SMOC2: variants seen among roughly 807,000 people sequenced by gnomAD.
SMOC2 encodes SPARC related modular calcium binding 2.
SMOC2 carries 39 observed loss-of-function variants against 61.4 expected under a neutral mutation model. The ratio of observed to expected loss-of-function variants is 0.64; its 90% CI spans 0.49 to 0.83. SMOC2 has a LOEUF of 0.83. Ranked by LOEUF, SMOC2 falls within the 40% of genes least tolerant of loss-of-function variation. The probability of loss-of-function intolerance (pLI) is 0.00; values close to 1 mark genes in which losing one functional copy is unlikely to be tolerated. For missense variants in SMOC2, 556 were observed against 592.9 expected (o/e 0.94, Z 0.65); for synonymous variants, 247 against 239.9 (o/e 1.03, Z -0.27).
chr6:168,549,236 G>A (rs1049175983), intron 7 of SMOC2, 33 bp downstream of exon 7: 2 of 1,591,512 alleles, frequency 1.3e-6, no homozygotes, highest in Non-Finnish European at 1.7e-6. Flanking sequence ...TTTGTAAGGA[G>A]TGATTTAATA....
At chr6:168,458,333 GC>G (rs1483923135) in intron 1 of SMOC2, among the ~76,000 whole-genome samples, 1 of 150,084 alleles carries the variant, frequency 6.7e-6, no homozygotes, top group African/African-American at 2.5e-5. Flanking sequence ...CGTGCTGCCT[GC>G]CCTGGGGGTC....
intron 7 of SMOC2, among the ~76,000 whole-genome samples, chr6:168,592,725 G>T (rs867020248): frequency 1.5e-4 from 4 of 26,536 alleles, no homozygotes; most frequent in Non-Finnish European, 2.6e-4. Flanking sequence ...CCTTCCTGAG[G>T]CCTCACGGGC....
At chr6:168,522,250 A>G (rs926071904) in intron 2 of SMOC2, among the ~76,000 whole-genome samples, 26 of 152,226 alleles carry the variant, frequency 1.7e-4, no homozygotes, top group African/African-American at 5.3e-4. Flanking sequence ...TTGGCTGGAC[A>G]TACAACGGTT....
chr6:168,471,488 G>C (rs144784615), intron 1 of SMOC2, among the ~76,000 whole-genome samples: 81 of 152,266 alleles, frequency 5.3e-4, no homozygotes, highest in African/African-American at 1.9e-3. Context: ...GCCTTCATCT[G>C]TCCGTGGATA....
intron 8 of SMOC2, among the ~76,000 whole-genome samples, chr6:168,599,331 ACT>A (rs1325750801): frequency 2.2e-5 from 3 of 137,878 alleles, no homozygotes; most frequent in African/African-American, 5.5e-5. Flanking sequence ...TTTCACACAC[ACT>A]CATACCCACA....
chr6:168,518,966 C>T (rs1436887337), intron 2 of SMOC2, among the ~76,000 whole-genome samples: 3 of 142,518 alleles, frequency 2.1e-5, no homozygotes, highest in Admixed American at 7.0e-5. Flanking sequence ...TGTATCCGTG[C>T]ACGCGTGTGT....
rs1784543434 is a variant in SMOC2, at chr6:168,566,485, T to TC, written c.637+17282_637+17283insC. On this transcript the variant is annotated intron_variant, in intron 7 of 12. Coordinates refer to ENST00000356284, the MANE Select transcript of SMOC2 (RefSeq NM_001166412.2). Reference sequence around the variant, plus strand: ...TATGGATATTGTAGCACTTCTTTTTTTTTTTTTTTTTTTTTGAAACAGAGT... The same window carrying TC: ...TATGGATATTGTAGCACTTCTTTTTTCTTTTTTTTTTTTTTTGAAACAGAGT... 3.6e-5 allele frequency among the ~76,000 whole-genome samples: 4 copies of TC among 112,564 alleles called. No homozygotes were observed. The South Asian group carries it at 1.1e-3, about 31-fold the overall frequency. 73.8% of individuals were successfully genotyped at this position (112,564 alleles called of 152,430 possible).
In SMOC2 at chr6:168,611,258, TG is replaced by T. The variant is rs1454934196; in HGVS notation, c.907+3020del. Among the ~76,000 whole-genome samples the T allele has an allele frequency of 4.2e-3, 571 of 135,856 alleles. 10 individuals carry two copies. The highest frequency in any genetic ancestry group is 0.015 in the African/African-American group (545 of 35,954). The allele number at this position is 135,856 out of a possible 152,430, so 89.1% of individuals were successfully genotyped here. A position where few individuals can be genotyped will look rare whatever the true frequency, so the allele number is the denominator to read the frequency against. ...ATGTCTGGCCCTGCTCTGGTTCCCATGTCCGGGACCCACCGTGGCTCCCGTG... is the reference window on the plus strand; with the variant it reads ...ATGTCTGGCCCTGCTCTGGTTCCCATTCCGGGACCCACCGTGGCTCCCGTG... On this transcript the variant is annotated intron_variant, in intron 9 of 12. Coordinates refer to ENST00000356284, the MANE Select transcript of SMOC2 (RefSeq NM_001166412.2).
At chr6:168,642,499 G>C (rs1282356291) in intron 9 of SMOC2, among the ~76,000 whole-genome samples, 2 of 152,156 alleles carry the variant, frequency 1.3e-5, no homozygotes, top group East Asian at 3.9e-4. Flanking sequence ...CTGATGTACT[G>C]TTAACCATCA....
At chr6:168,456,336 G>A (rs1781586173) in intron 1 of SMOC2, among the ~76,000 whole-genome samples, 1 of 152,240 alleles carries the variant, frequency 6.6e-6, no homozygotes, top group South Asian at 2.1e-4. Context: ...GGGGCGTGGA[G>A]GGGCTGCAGG....
chr6:168,499,110 C>G (rs966364638), intron 1 of SMOC2, among the ~76,000 whole-genome samples: 1 of 147,612 alleles, frequency 6.8e-6, no homozygotes. Context: ...CCCAGCCCTA[C>G]GAGCCACAGT....
At chr6:168,592,478 C>CTA (rs1785212544) in intron 7 of SMOC2, among the ~76,000 whole-genome samples, 1 of 48,096 alleles carries the variant, frequency 2.1e-5, no homozygotes, top group Non-Finnish European at 4.0e-5. Context: ...CACGAGGGGC[C>CTA]TCTTTCTAGA....
chr6:168,603,565 A>G (rs1785610899), intron 8 of SMOC2, among the ~76,000 whole-genome samples: 1 of 152,096 alleles, frequency 6.6e-6, no homozygotes, highest in Non-Finnish European at 1.5e-5. Flanking sequence ...TTGTATTGGG[A>G]GCTGGGGATA....
At chr6:168,558,982 C>T (rs1332513787) in intron 7 of SMOC2, among the ~76,000 whole-genome samples, 3 of 152,160 alleles carry the variant, frequency 2.0e-5, no homozygotes, top group Non-Finnish European at 1.5e-5. Flanking sequence ...TGCGTGCACA[C>T]ATGCATGTTT....
chr6:168,472,815 G>A (rs1303001670), intron 1 of SMOC2, among the ~76,000 whole-genome samples: 1 of 151,982 alleles, frequency 6.6e-6, no homozygotes, highest in Non-Finnish European at 1.5e-5. Flanking sequence ...AATACTATAG[G>A]GGAAATGGGG....
chr6:168,632,311 C>T (rs1050544872), intron 9 of SMOC2, among the ~76,000 whole-genome samples: 15 of 152,188 alleles, frequency 9.9e-5, no homozygotes, highest in Non-Finnish European at 1.5e-4. Context: ...AACAAGTCAT[C>T]AGAACATAGT....
intron 7 of SMOC2, among the ~76,000 whole-genome samples, chr6:168,574,745 G>A (rs55908848): frequency 2.0e-5 from 3 of 152,026 alleles, no homozygotes; most frequent in Non-Finnish European, 2.9e-5. Flanking sequence ...TGTCCTTCCC[G>A]ACCTCCCTGA....
chr6:168,607,261 G>C (rs1260837628), intron 8 of SMOC2, among the ~76,000 whole-genome samples: 1 of 152,154 alleles, frequency 6.6e-6, no homozygotes, highest in African/African-American at 2.4e-5. Context: ...TACTGGATGA[G>C]GCTGGTGGTC....
intron 12 of SMOC2, chr6:168,664,510 G>A (rs995097711): frequency 2.8e-5 from 11 of 391,822 alleles, no homozygotes; most frequent in Admixed American, 7.4e-5. Flanking sequence ...CACCGTACCC[G>A]GCTGAATTTT....
Sources: allele counts gnomAD v4.1 joint callset (sites outside exome capture counted in the v4.1 genomes callset), GRCh38; gene constraint gnomAD v4.1.1; transcripts MANE v1.5; gene names NCBI Gene and HGNC (gene_info 2026-07-23, HGNC 2026-07-21).